ARHGEF12: variants seen among roughly 807,000 people sequenced by gnomAD.
ARHGEF12 encodes KMT2A/ARHGEF12 fusion protein.
ARHGEF12 carries 66 observed loss-of-function variants against 211.2 expected under a neutral mutation model. The observed-to-expected ratio is 0.31, with a 90% confidence interval of 0.26 to 0.38. ARHGEF12 has a LOEUF of 0.38. Ranked by LOEUF, ARHGEF12 falls within the 10% of genes least tolerant of loss-of-function variation. The pLI is 1.00. For synonymous variants in ARHGEF12, 592 were observed against 638.4 expected, an observed-to-expected ratio of 0.93 and a Z score of 1.09; for missense variants, 1,429 against 1,869.5, an observed-to-expected ratio of 0.76 and a Z score of 4.34.
Position 120,446,442 on chromosome 11 carries a change from G to T in ARHGEF12, c.1385G>T (p.Arg462Leu). The T allele has an allele frequency of 1.9e-6, 3 of 1,612,748 alleles. No individual in the cohort carries two copies. Among genetic ancestry groups the T allele is most frequent in the Non-Finnish European group, 2.5e-6 (3 of 1,179,416 alleles). Residue 462 changes from arginine to leucine, a missense_variant, in exon 17 of 41, where the codon CGC becomes CTC. Coordinates refer to ENST00000397843, the MANE Select transcript of ARHGEF12 (RefSeq NM_015313.3). The stretch of plus-strand genomic sequence containing the variant: ...GAGCTCATTCCTGAGGATCTGCATC[G>T]CCACTATATCCAAACTATGCAAGAA... ...RPELIPEDLH[R>L]HYIQTMQERV...
chr11:120,424,272 A>G, intron 6 of ARHGEF12, 86 bp from the exon 7 acceptor site: 10 of 867,384 alleles, frequency 1.2e-5, no homozygotes, highest in Non-Finnish European at 1.9e-5. Context: ...TATATTGGTT[A>G]TATTATGTAT....
intron 31 of ARHGEF12, among the ~76,000 whole-genome samples, chr11:120,473,974 T>C (rs751953633): frequency 6.6e-6 from 1 of 152,230 alleles, no homozygotes; most frequent in Non-Finnish European, 1.5e-5. Flanking sequence ...TGTCATATAT[T>C]AATACTTCGT....
At chr11:120,445,557 T>C in intron 16 of ARHGEF12, 93 bp downstream of exon 16, 1 of 1,211,146 alleles carries the variant, frequency 8.3e-7, no homozygotes. Flanking sequence ...ACATGGTGAC[T>C]AGTCGATCAC....
At chr11:120,356,265 G>A (rs1943127758) in intron 1 of ARHGEF12, among the ~76,000 whole-genome samples, 1 of 152,166 alleles carries the variant, frequency 6.6e-6, no homozygotes, top group Admixed American at 6.5e-5. Flanking sequence ...CTGTCTCCCA[G>A]GCTGGAGTGC....
At chr11:120,466,968 TAAAC>T (rs1035160113) in intron 28 of ARHGEF12, among the ~76,000 whole-genome samples, 19 of 152,224 alleles carry the variant, frequency 1.2e-4, no homozygotes, top group African/African-American at 4.3e-4. Flanking sequence ...AGTCCTTCCT[TAAAC>T]AGATAACAAG....
In ARHGEF12 at chr11:120,337,510, C is replaced by T. The variant is rs185401242; in HGVS notation, c.32+235C>T. 8.1e-6 allele frequency: 8 copies of T among 985,354 alleles called. No homozygotes were observed. In the East Asian group the frequency reaches 9.1e-4, roughly 112 times the overall value. 61.0% of individuals were successfully genotyped at this position (985,354 alleles called of 1,614,324 possible). A position where few individuals can be genotyped will look rare whatever the true frequency, so the allele number is the denominator to read the frequency against. On this transcript the variant is annotated intron_variant, in intron 1 of 40. Coordinates refer to ENST00000397843, the MANE Select transcript of ARHGEF12 (RefSeq NM_015313.3). The stretch of plus-strand genomic sequence containing the variant: ...TTCCGATTCTCAGAGAAGGGGGAGG[C>T]AAAACCATGATTGTGGTTTTCCGCC...
At chr11:120,451,455 G>C in intron 21 of ARHGEF12, 57 bp from the exon 22 acceptor site, 1 of 1,566,556 alleles carries the variant, frequency 6.4e-7, no homozygotes, top group Non-Finnish European at 8.7e-7. Context: ...GGGATTATAG[G>C]CTTGAGCCAC....
At chr11:120,383,537 G>C (rs1222229616) in intron 1 of ARHGEF12, among the ~76,000 whole-genome samples, 1 of 152,130 alleles carries the variant, frequency 6.6e-6, no homozygotes, top group African/African-American at 2.4e-5. Context: ...GGGAAACAAT[G>C]ACAGATCATC....
chr11:120,357,391 T>C (rs1943159619), intron 1 of ARHGEF12, among the ~76,000 whole-genome samples: 1 of 152,140 alleles, frequency 6.6e-6, no homozygotes, highest in Non-Finnish European at 1.5e-5. Flanking sequence ...TCGAGTCTAA[T>C]AGAGGAAGAT....
chr11:120,406,198 C>T, intron 2 of ARHGEF12, 57 bp downstream of exon 2: 1 of 1,194,596 alleles, frequency 8.4e-7, no homozygotes, highest in Admixed American at 2.9e-5. Flanking sequence ...TAATTATAAG[C>T]ATCCCTTTGA....
intron 1 of ARHGEF12, among the ~76,000 whole-genome samples, chr11:120,388,082 T>C (rs1944093852): frequency 6.6e-6 from 1 of 152,176 alleles, no homozygotes; most frequent in Non-Finnish European, 1.5e-5. Context: ...TCATAATTTC[T>C]CCGTCCCTCC....
chr11:120,437,737 C>T (rs980896186), intron 12 of ARHGEF12, among the ~76,000 whole-genome samples: 1 of 152,164 alleles, frequency 6.6e-6, no homozygotes, highest in Non-Finnish European at 1.5e-5. Context: ...ACATTTCCCC[C>T]TTCCCCCTAG....
Position 120,467,206 on chromosome 11 carries a change from A to G in ARHGEF12, c.2752A>G (p.Asn918Asp). The G allele has an allele frequency of 6.2e-7, 1 of 1,608,724 alleles. No homozygotes were observed. Among genetic ancestry groups the G allele is most frequent in the Non-Finnish European group, 8.5e-7 (1 of 1,176,078 alleles). ...ACTTTAATTTTAGGATGCTGAAAGT[A>G]ATCCACTGTGTCGTCGTCTTCAACT... ...FQTFVQDAES[N>D]PLCRRLQLKD... Residue 918 changes from asparagine to aspartate, a missense_variant, in exon 29 of 41, where the codon AAT (asparagine) becomes GAT (aspartate). Around this residue, in one of 7 missense-constraint regions of ARHGEF12, gnomAD observed 223 missense variants for 444.6 expected, o/e 0.50. Transcript: ENST00000397843.
intron 1 of ARHGEF12, among the ~76,000 whole-genome samples, chr11:120,404,510 G>C (rs1241561493): frequency 6.6e-6 from 1 of 152,102 alleles, no homozygotes; most frequent in Non-Finnish European, 1.5e-5. Flanking sequence ...TGATAAGCAA[G>C]TTGGACTGTG....
intron 7 of ARHGEF12, among the ~76,000 whole-genome samples, chr11:120,427,368 G>T (rs1033050653): frequency 6.6e-6 from 1 of 151,960 alleles, no homozygotes; most frequent in African/African-American, 2.4e-5. Context: ...TTATGTTCTA[G>T]CATATTCACT....
At position 120,424,354 on chromosome 11, in the gene ARHGEF12, A is replaced by T. The variant is rs758357908; in HGVS notation, c.349-4A>T. The stretch of plus-strand genomic sequence containing the variant: ...TGACATACACTACTTTCGTTTTCTT[A>T]CAGGTGAATGGAACTCTGGTGACTC... On this transcript the variant is annotated splice_region_variant and splice_polypyrimidine_tract_variant and intron_variant, in intron 6 of 40. Coordinates refer to ENST00000397843, the MANE Select transcript of ARHGEF12 (RefSeq NM_015313.3). 7 of 1,611,596 alleles carry T rather than the reference A, an allele frequency of 4.3e-6. No individual in the cohort carries two copies. In the East Asian group the frequency reaches 1.3e-4, roughly 31 times the overall value.
At position 120,451,706 on chromosome 11, in the gene ARHGEF12, G is replaced by A. The variant is rs1418226378; in HGVS notation, c.2038G>A (p.Gly680Arg). 2 of 1,613,820 alleles carry A rather than the reference G, an allele frequency of 1.2e-6. No individual in the cohort carries two copies. Among genetic ancestry groups the A allele is most frequent in the East Asian group, 2.2e-5 (1 of 44,874 alleles). ...AGGGGCCTCTTTTTCCCAGGAAGGAGGGAAAGAGAATGATACAGGTGAGCT... is the reference window on the plus strand; with the variant it reads ...AGGGGCCTCTTTTTCCCAGGAAGGAAGGAAAGAGAATGATACAGGTGAGCT... The part of the protein sequence containing the change: ...ASGASFSQEG[G>R]KENDTGSKQV... The change falls in exon 22 of 41, where the codon GGG (glycine) becomes AGG (arginine). Residue 680 changes from glycine (G) to arginine (R), a missense_variant. By Grantham distance (125) the Gly-to-Arg change is moderately radical. Coordinates refer to ENST00000397843, the MANE Select transcript of ARHGEF12 (RefSeq NM_015313.3).
intron 27 of ARHGEF12, chr11:120,464,852 A>T (rs978436028): frequency 3.1e-5 from 5 of 162,056 alleles, no homozygotes; most frequent in Admixed American, 1.3e-4. Context: ...TACTAAAAAT[A>T]CAAAAATTAG....
chr11:120,432,301 C>T (rs1945571168), intron 11 of ARHGEF12, among the ~76,000 whole-genome samples: 1 of 152,116 alleles, frequency 6.6e-6, no homozygotes, highest in African/African-American at 2.4e-5. Flanking sequence ...GGGCACTTTG[C>T]CATTACCAAG....
Sources: allele counts gnomAD v4.1 joint callset (sites outside exome capture counted in the v4.1 genomes callset), GRCh38; gene constraint gnomAD v4.1.1; regional missense constraint gnomAD v4.1.1; transcripts MANE v1.5; gene names NCBI Gene and HGNC (gene_info 2026-07-23, HGNC 2026-07-21).